GSG1L2: variants seen among roughly 807,000 people sequenced by gnomAD.
The protein encoded by GSG1L2 is GSG1 like 2, also known as germ cell-specific gene 1-like protein 2.
In GSG1L2, 15 loss-of-function variants were observed where a neutral mutation model predicts 9.0. The observed-to-expected ratio is 1.67, with a 90% CI of 1.12 to 2.57. The LOEUF (loss-of-function observed/expected upper bound fraction) is 2.57. Ranked by LOEUF, GSG1L2 falls within the 30% of genes most tolerant of loss-of-function variation. The probability of loss-of-function intolerance (pLI) is 0.00; values close to 1 mark genes in which losing one functional copy is unlikely to be tolerated. For missense variants in GSG1L2, 286 were observed against 150.3 expected (o/e 1.90, Z -4.72); for synonymous variants, 127 against 57.9 (o/e 2.19, Z -5.41).
rs1472925899 is a variant in GSG1L2 at position 9,801,359 on chromosome 17, C to T, written c.*1027G>A. Among the ~76,000 whole-genome samples the T allele has an allele frequency of 2.0e-5, 3 of 151,976 alleles. No homozygotes were observed. Among genetic ancestry groups the T allele is most frequent in the Admixed American group, 6.6e-5 (1 of 15,250 alleles). ...AGTAGCTGGGATTACAGACATGTGC[C>T]ACCATGCTTGGCTATTTTTGATGTT... On this transcript the variant is annotated 3_prime_UTR_variant, in exon 5 of 5. Transcript: ENST00000399363.
At chr17:9,813,068 T>A (rs1837427658) in intron 1 of GSG1L2, among the ~76,000 whole-genome samples, 1 of 152,112 alleles carries the variant, frequency 6.6e-6, no homozygotes, top group African/African-American at 2.4e-5. Flanking sequence ...GGGGTTAGGG[T>A]TTCAGCATAT....
intron 1 of GSG1L2, among the ~76,000 whole-genome samples, chr17:9,816,628 C>A (rs2066564370): frequency 1.0e-5 from 1 of 97,666 alleles, no homozygotes; most frequent in Non-Finnish European, 2.0e-5. Context: ...GTCTGTTTTG[C>A]ATGTCTGTGT....
rs2066499789 is a variant in GSG1L2 at position 9,802,320 on chromosome 17, G to C, written c.*66C>G. ...TCCTGAAGTCCAACCCAGAGGCAGG[G>C]TGTACATTGTGAGTGTCAGTGCCTG... On this transcript the variant is annotated 3_prime_UTR_variant, in exon 5 of 5. Coordinates refer to ENST00000399363, the MANE Select transcript of GSG1L2 (RefSeq NM_001310219.2). 1.7e-6 allele frequency: 1 copy of C among 605,332 alleles called. No individual in the cohort carries two copies. Among genetic ancestry groups the C allele is most frequent in the Admixed American group, 2.8e-5 (1 of 35,654 alleles). The allele number at this position is 605,332 out of a possible 1,614,324, so 37.5% of individuals were successfully genotyped here. A position where few individuals can be genotyped will look rare whatever the true frequency, so the allele number is the denominator to read the frequency against.
At chr17:9,814,611 T>C (rs73263377) in intron 1 of GSG1L2, among the ~76,000 whole-genome samples, 1,949 of 152,280 alleles carry the variant, frequency 0.013, 31 homozygotes, top group African/African-American at 0.044. Flanking sequence ...TTGATGAATA[T>C]GAATCCTTAG....
At chr17:9,817,054 A>G (rs2066570577) in intron 1 of GSG1L2, among the ~76,000 whole-genome samples, 2 of 150,864 alleles carry the variant, frequency 1.3e-5, no homozygotes, top group Admixed American at 1.3e-4. Context: ...TTAGGCTGAG[A>G]AGATGCCACC....
intron 2 of GSG1L2, chr17:9,809,251 G>A (rs1235913408): frequency 2.2e-6 from 1 of 445,748 alleles, no homozygotes; most frequent in African/African-American, 2.0e-5. Flanking sequence ...GAGGATATGA[G>A]TGGTGCTGGG....
chr17:9,806,734 G>A (rs115276635), intron 4 of GSG1L2, among the ~76,000 whole-genome samples: 1,607 of 152,260 alleles, frequency 0.011, 26 homozygotes, highest in African/African-American at 0.035. Context: ...TAATTCAAAG[G>A]GGGGTAGCTA....
intron 1 of GSG1L2, among the ~76,000 whole-genome samples, chr17:9,815,990 G>A (rs941687766): frequency 6.6e-5 from 10 of 152,122 alleles, no homozygotes; most frequent in African/African-American, 2.2e-4. Flanking sequence ...GGACAGGGCC[G>A]AGCTAGAATG....
At position 9,808,789 on chromosome 17, in the gene GSG1L2, C is replaced by G. The variant is rs776176322; in HGVS notation, c.511+41G>C. 7 of 700,174 alleles carry G rather than the reference C, an allele frequency of 1.0e-5. No homozygotes were observed. In the East Asian group the frequency reaches 1.6e-4, roughly 16 times the overall value. 43.4% of individuals were successfully genotyped at this position (700,174 alleles called of 1,614,324 possible). ...ATGTCCAGTCTGACACTCTGCTTTC[C>G]CTCTGGGGCAGCCTGTTCCAAGGAT... On this transcript the variant is annotated intron_variant, in intron 3 of 4. Transcript: ENST00000399363.
At chr17:9,807,637 A>C (rs1323013981) in intron 3 of GSG1L2, 36 bp from the exon 4 acceptor site, 4 of 703,004 alleles carry the variant, frequency 5.7e-6, no homozygotes, top group African/African-American at 1.7e-5. Flanking sequence ...ACAGCTAAGA[A>C]GACACATGAT....
rs57904901 is a variant in GSG1L2, at chr17:9,821,858, C to A, written c.214G>T (p.Val72Phe). The change falls in exon 1 of 5, where the codon GTC (valine) becomes TTC (phenylalanine). Residue 72 changes from valine (V) to phenylalanine (F), a missense_variant. Physicochemically the swap from Val to Phe is conservative, Grantham distance 50. Coordinates refer to ENST00000399363, the MANE Select transcript of GSG1L2 (RefSeq NM_001310219.2). ...NGRMDNNSQA[V>F]LYIWELGDDK... The stretch of plus-strand genomic sequence containing the variant: ...TCACCCAGCTCCCAAATGTACAGGA[C>A]AGCCTGGCTATTGTTGTCCATCCTG... The A allele has an allele frequency of 0.013, 9,227 of 703,356 alleles. 256 individuals carry two copies. Among genetic ancestry groups the A allele is most frequent in the Admixed American group, 0.064 (3,189 of 50,026 alleles). The allele number at this position is 703,356 out of a possible 1,614,324, so 43.6% of individuals were successfully genotyped here. A position where few individuals can be genotyped will look rare whatever the true frequency, so the allele number is the denominator to read the frequency against.
In GSG1L2 at chr17:9,803,197, G is replaced by A. The variant is rs183439246; in HGVS notation, c.624-553C>T. 4.3e-4 allele frequency among the ~76,000 whole-genome samples: 65 copies of A among 149,630 alleles called. No homozygotes were observed. The East Asian group carries it at 9.0e-3, about 21-fold the overall frequency. On this transcript the variant is annotated intron_variant, in intron 4 of 4. Transcript: ENST00000399363. ...TGGCTCACTGCAACCTCTGCCTCCCGGTTCAAGCAATTCCCCTGCCTCAGC... is the reference window on the plus strand; with the variant it reads ...TGGCTCACTGCAACCTCTGCCTCCCAGTTCAAGCAATTCCCCTGCCTCAGC...
intron 1 of GSG1L2, among the ~76,000 whole-genome samples, chr17:9,816,781 C>G (rs202152152): frequency 2.4e-4 from 9 of 37,048 alleles, no homozygotes; most frequent in East Asian, 0.036. Context: ...GCGTGTGTGT[C>G]TGTGTGTGCG....
chr17:9,815,938 G>A (rs967429940), intron 1 of GSG1L2, among the ~76,000 whole-genome samples: 11 of 152,208 alleles, frequency 7.2e-5, no homozygotes, highest in African/African-American at 2.6e-4. Flanking sequence ...GAATTAATGG[G>A]TTCTCGTGGG....
intron 1 of GSG1L2, among the ~76,000 whole-genome samples, chr17:9,811,243 T>G (rs1256843883): frequency 6.6e-6 from 1 of 152,214 alleles, no homozygotes; most frequent in Non-Finnish European, 1.5e-5. Context: ...TTCAGAGCCA[T>G]GTCTGTTACT....
chr17:9,807,830 G>A (rs568707188), intron 3 of GSG1L2: 229 of 472,662 alleles, frequency 4.8e-4, no homozygotes, highest in Non-Finnish European at 6.0e-4. Flanking sequence ...CTGGGTAGGA[G>A]TCTCCATGGC....
chr17:9,812,367 C>T (rs1392615387), intron 1 of GSG1L2, among the ~76,000 whole-genome samples: 2 of 152,118 alleles, frequency 1.3e-5, no homozygotes, highest in Non-Finnish European at 2.9e-5. Flanking sequence ...CTAAATTCCT[C>T]CTGTTAGCTT....
At chr17:9,815,280 C>T (rs566388257) in intron 1 of GSG1L2, among the ~76,000 whole-genome samples, 2 of 152,296 alleles carry the variant, frequency 1.3e-5, no homozygotes, top group South Asian at 2.1e-4. Context: ...ATCCCAACTA[C>T]TCAGGAGGCT....
At chr17:9,811,999 T>TATCA (rs562304042) in intron 1 of GSG1L2, among the ~76,000 whole-genome samples, 1 of 152,208 alleles carries the variant, frequency 6.6e-6, no homozygotes, top group South Asian at 2.1e-4. Flanking sequence ...ACTTATCACT[T>TATCA]ATCACTTATC....
Sources: allele counts gnomAD v4.1 joint callset (sites outside exome capture counted in the v4.1 genomes callset), GRCh38; gene constraint gnomAD v4.1.1; transcripts MANE v1.5; gene names NCBI Gene and HGNC (gene_info 2026-07-23, HGNC 2026-07-21).